Variants in S100PBP observed in about 807,000 individuals in gnomAD.
S100PBP encodes S100P binding protein, also known as S100P-binding protein.
Under a neutral mutation model 39.9 loss-of-function variants are expected in S100PBP, and 15 were observed. The observed-to-expected ratio is 0.38, with a 90% confidence interval of 0.25 to 0.58. S100PBP has a LOEUF of 0.58. S100PBP is among the 20% of genes least tolerant of loss of function. S100PBP has a pLI of 0.70. For missense variants in S100PBP, 504 were observed against 487.3 expected (o/e 1.03, Z -0.32); for synonymous variants, 178 against 180.3 (o/e 0.99, Z 0.10).
chr1:32,836,624 T>C (rs1051268057), intron 5 of S100PBP: 1 of 969,252 alleles, frequency 1.0e-6, no homozygotes, highest in African/African-American at 1.8e-5. Flanking sequence ...TCATTAAATT[T>C]TTTTTTTGGG....
At chr1:32,842,003 G>T (rs192905427) in intron 5 of S100PBP, among the ~76,000 whole-genome samples, 76 of 150,826 alleles carry the variant, frequency 5.0e-4, no homozygotes, top group Middle Eastern at 3.4e-3. Context: ...TGGGCAATGT[G>T]GTGAAACCTT....
intron 5 of S100PBP, chr1:32,835,947 C>T (rs1639798333): frequency 6.6e-6 from 1 of 151,922 alleles, no homozygotes; most frequent in Admixed American, 6.6e-5. Context: ...CTCTTTAAGA[C>T]CCTATTTTTA....
Position 32,826,506 on chromosome 1 carries a change from G to A in S100PBP, c.407G>A (p.Arg136His), listed in dbSNP as rs774170692. Residue 136 changes from arginine to histidine, a missense_variant, in exon 3 of 7, where the codon CGC becomes CAC. Physicochemically the swap from Arg to His is conservative, Grantham distance 29. Coordinates refer to ENST00000373475, the MANE Select transcript of S100PBP (RefSeq NM_022753.4). ...GPAHTKPLNR[R>H]SVLEKNLIKV... ...GCTCATACTAAACCATTAAACAGACGCTCTGTACTAGAAAAGAATCTTATA... is the reference window on the plus strand; with the variant it reads ...GCTCATACTAAACCATTAAACAGACACTCTGTACTAGAAAAGAATCTTATA... 2.1e-5 allele frequency: 34 copies of A among 1,613,922 alleles called. No individual in the cohort carries two copies. The highest frequency in any genetic ancestry group is 1.8e-4 in the Admixed American group (11 of 59,976).
upstream of S100PBP, chr1:32,817,314 G>C (rs1638778566): frequency 6.3e-7 from 1 of 1,592,208 alleles, no homozygotes; most frequent in African/African-American, 1.3e-5. Flanking sequence ...CGTCGCCGCC[G>C]CGTGCCGGGA....
chr1:32,820,934 C>A (rs1258298607), intron 1 of S100PBP, among the ~76,000 whole-genome samples: 6 of 152,136 alleles, frequency 3.9e-5, no homozygotes, highest in Non-Finnish European at 8.8e-5. Context: ...TATGATCACG[C>A]CACTGTTTTC....
At chr1:32,851,066 G>A (rs1249044625) in intron 5 of S100PBP, among the ~76,000 whole-genome samples, 1 of 152,168 alleles carries the variant, frequency 6.6e-6, no homozygotes, top group Non-Finnish European at 1.5e-5. Context: ...TCATAGATGA[G>A]TAGTGAGCCC....
At chr1:32,846,011 A>G (rs945780697) in intron 5 of S100PBP, among the ~76,000 whole-genome samples, 2 of 148,562 alleles carry the variant, frequency 1.3e-5, no homozygotes, top group Non-Finnish European at 3.0e-5. Flanking sequence ...TTTTTTTGAG[A>G]TGGAGTCTCA....
upstream of S100PBP, chr1:32,817,208 G>A: frequency 6.2e-7 from 1 of 1,614,232 alleles, no homozygotes. Context: ...CGGGTGATAA[G>A]GTGCAGTTTC....
chr1:32,826,119 C>T lies in S100PBP; in HGVS notation c.20C>T (p.Pro7Leu). 2 of 1,612,972 alleles carry T rather than the reference C, an allele frequency of 1.2e-6. No homozygotes were observed. The highest frequency in any genetic ancestry group is 1.7e-6 in the Non-Finnish European group (2 of 1,179,434). MMCSRV[P>L]SEQSSGTSLL... is the part of the protein sequence containing the mutation. ...CCAGAAATGATGTGCTCACGGGTGC[C>T]CTCTGAACAGTCTTCTGGTACCTCT... is the stretch of plus-strand genomic sequence containing the variant. The change falls in exon 3 of 7, where the codon CCC (proline) becomes CTC (leucine). Residue 7 changes from proline to leucine, a missense_variant. Coordinates refer to ENST00000373475, the MANE Select transcript of S100PBP (RefSeq NM_022753.4).
chr1:32,854,106 A>G (rs1395053130), intron 6 of S100PBP, among the ~76,000 whole-genome samples: 1 of 152,160 alleles, frequency 6.6e-6, no homozygotes, highest in East Asian at 1.9e-4. Context: ...CAGATACTCA[A>G]AAACCTTGGA....
At position 32,817,681 on chromosome 1, in the gene S100PBP, C is replaced by T. The variant is rs537314587; in HGVS notation, c.-128C>T. On this transcript the variant is annotated 5_prime_UTR_variant, in exon 1 of 7. Coordinates refer to ENST00000373475, the MANE Select transcript of S100PBP (RefSeq NM_022753.4). ...GTCGTTCGCCCAGGCTTTGGCCCGG[C>T]TTCCGGAGGTGAAGAGCGGGAGGGA... 29 of 227,680 alleles carry T rather than the reference C, an allele frequency of 1.3e-4. No homozygotes were observed. The East Asian group carries it at 2.7e-3, about 21-fold the overall frequency. The allele number at this position is 227,680 out of a possible 1,614,324, so 14.1% of individuals were successfully genotyped here.
rs1196363680 is a variant in S100PBP at position 32,849,946 on chromosome 1, G to GAT, written c.1025-3125_1025-3124dup. Among the ~76,000 whole-genome samples the GAT allele has an allele frequency of 1.8e-3, 273 of 152,218 alleles. 2 individuals are homozygous for GAT. The highest frequency in any genetic ancestry group is 3.5e-4 in the Non-Finnish European group (24 of 68,014). ...GATTGTTGTAAAGAATAAATGAGTTGATATATATAAACTAGCACATAGGAC... is the reference window on the plus strand; with the variant it reads ...GATTGTTGTAAAGAATAAATGAGTTGATATATATATAAACTAGCACATAGGAC... On this transcript the variant is annotated intron_variant, in intron 5 of 6. Coordinates refer to ENST00000373475, the MANE Select transcript of S100PBP (RefSeq NM_022753.4).
chr1:32,856,257 G>A lies in S100PBP; in HGVS notation c.*219G>A. ...TTTGTGTGTGTGTGTCTGTGTTTAA[G>A]CAAGCGTTCGGTTGGTATAGTTTTT... On this transcript the variant is annotated 3_prime_UTR_variant, in exon 7 of 7. Transcript: ENST00000373475. The A allele has an allele frequency of 3.0e-6, 1 of 336,076 alleles. No homozygotes were observed. The highest frequency in any genetic ancestry group is 4.3e-5 in the South Asian group (1 of 23,498). 20.8% of individuals were successfully genotyped at this position (336,076 alleles called of 1,614,324 possible).
intron 5 of S100PBP, among the ~76,000 whole-genome samples, chr1:32,846,339 A>G (rs1640374035): frequency 6.8e-6 from 1 of 147,818 alleles, no homozygotes; most frequent in Admixed American, 6.7e-5. Flanking sequence ...AGAGCATATA[A>G]TTGGTAGCTG....
rs17510718 is a variant in S100PBP, at chr1:32,819,967, C to A, written c.-120+2278C>A. ...CCTCTATAAAGGATAGTTCAGTGAACATTAATTTGCATAATTTGCCGGATA... is the reference window on the plus strand; with the variant it reads ...CCTCTATAAAGGATAGTTCAGTGAAAATTAATTTGCATAATTTGCCGGATA... On this transcript the variant is annotated intron_variant, in intron 1 of 6. Transcript: ENST00000373475. Among the ~76,000 whole-genome samples, 11 of 152,158 alleles carry A rather than the reference C, an allele frequency of 7.2e-5. No homozygotes were observed. In the South Asian group the frequency reaches 2.3e-3, roughly 32 times the overall value.
intron 1 of S100PBP, chr1:32,818,302 GC>G (rs1638856527): frequency 6.6e-6 from 1 of 152,314 alleles, no homozygotes; most frequent in African/African-American, 2.4e-5. Context: ...ACCGTCCCGG[GC>G]CGTTGCATTT....
chr1:32,817,373 G>T (rs560979597), upstream of S100PBP: 271 of 1,218,496 alleles, frequency 2.2e-4, no homozygotes, highest in African/African-American at 9.8e-4. Context: ...TCGGCGCTCC[G>T]CTTACTCGGC....
intron 5 of S100PBP, among the ~76,000 whole-genome samples, chr1:32,846,381 A>C: frequency 6.7e-6 from 1 of 149,028 alleles, no homozygotes; most frequent in African/African-American, 2.5e-5. Flanking sequence ...TTCCAGTCTC[A>C]CAATCTCAGT....
intron 4 of S100PBP, among the ~76,000 whole-genome samples, chr1:32,829,334 C>T (rs1333665911): frequency 6.6e-6 from 1 of 152,198 alleles, no homozygotes; most frequent in Non-Finnish European, 1.5e-5. Context: ...CAGTTTCACT[C>T]TAGAAAGCTA....
Sources: allele counts gnomAD v4.1 joint callset (sites outside exome capture counted in the v4.1 genomes callset), GRCh38; gene constraint gnomAD v4.1.1; transcripts MANE v1.5; gene names NCBI Gene and HGNC (gene_info 2026-07-23, HGNC 2026-07-21).